The following ADAM12 variants were observed in gnomAD, a reference collection of about 807,000 sequenced individuals.
ADAM12 encodes the protein ADAM metallopeptidase domain 12.
ADAM12 carries 70 observed loss-of-function variants against 106.4 expected under a neutral mutation model. That is an observed-to-expected ratio of 0.66 (90% CI 0.54 to 0.80). ADAM12 has a LOEUF of 0.80. Ranked by LOEUF, ADAM12 falls within the 30% of genes least tolerant of loss-of-function variation. ADAM12 has a pLI of 0.00. For synonymous variants in ADAM12, 420 were observed against 433.5 expected (o/e 0.97, Z 0.39); for missense variants, 1,010 against 1,171.9 (o/e 0.86, Z 2.02).
chr10:126,224,977 A>G (rs1958164363), intron 3 of ADAM12, among the ~76,000 whole-genome samples: 1 of 152,202 alleles, frequency 6.6e-6, no homozygotes, highest in African/African-American at 2.4e-5. Flanking sequence ...TTTTGTTGTC[A>G]GTCACAGATA....
intron 3 of ADAM12, among the ~76,000 whole-genome samples, chr10:126,263,791 A>G (rs1959046467): frequency 6.6e-6 from 1 of 152,218 alleles, no homozygotes. Context: ...CTTTGGAAAA[A>G]GCAGCTGTCT....
At chr10:126,369,976 C>T (rs1321498238) in intron 1 of ADAM12, among the ~76,000 whole-genome samples, 1 of 152,200 alleles carries the variant, frequency 6.6e-6, no homozygotes, top group Non-Finnish European at 1.5e-5. Flanking sequence ...ATTGCCTTCT[C>T]AGTCTGCAGG....
intron 3 of ADAM12, among the ~76,000 whole-genome samples, chr10:126,226,194 G>A (rs1319311365): frequency 1.3e-5 from 2 of 151,266 alleles, no homozygotes; most frequent in African/African-American, 2.4e-5. Context: ...GGTGGTGGGG[G>A]GAGGGGGCGG....
intron 2 of ADAM12, among the ~76,000 whole-genome samples, chr10:126,316,474 A>G (rs920368920): frequency 1.3e-5 from 2 of 152,134 alleles, no homozygotes; most frequent in African/African-American, 2.4e-5. Context: ...ATTCAACTCT[A>G]AGCCCCAAGT....
chr10:126,219,957 A>T (rs574019686), intron 3 of ADAM12, among the ~76,000 whole-genome samples: 2 of 152,318 alleles, frequency 1.3e-5, no homozygotes, highest in Admixed American at 1.3e-4. Context: ...ATGAGATGGA[A>T]CCAATGGGGA....
intron 3 of ADAM12, among the ~76,000 whole-genome samples, chr10:126,275,896 T>A (rs1959228375): frequency 6.6e-6 from 1 of 152,214 alleles, no homozygotes; most frequent in Non-Finnish European, 1.5e-5. Context: ...ATATCCTCTA[T>A]AATCTTCCTA....
rs1235968318 is a variant in ADAM12, at chr10:126,118,151, A to G, written c.490T>C (p.Phe164Leu). 1.9e-6 allele frequency: 3 copies of G among 1,613,850 alleles called. No individual in the cohort carries two copies. The highest frequency in any genetic ancestry group is 1.7e-5 in the Admixed American group (1 of 60,026). The stretch of plus-strand genomic sequence containing the variant: ...ACGCTTTTCAGCTTCTTCGCTGGGA[A>G]GAGTTTGTATCTGTTGGTTGCACTT... ...MKSATNRYKL[F>L]PAKKLKSVRG... is the part of the protein sequence containing the mutation. Residue 164 changes from phenylalanine (F) to leucine (L), a missense_variant, in exon 6 of 23, where the codon TTC (phenylalanine) becomes CTC (leucine). Physicochemically the swap from Phe to Leu is conservative, Grantham distance 22. Transcript: ENST00000448723.
chr10:126,034,844 T>C (rs1954030530), intron 21 of ADAM12, among the ~76,000 whole-genome samples: 1 of 152,126 alleles, frequency 6.6e-6, no homozygotes, highest in South Asian at 2.1e-4. Flanking sequence ...AAAATAAAAC[T>C]GGAGTGGATA....
At chr10:126,229,257 T>C (rs572586177) in intron 3 of ADAM12, among the ~76,000 whole-genome samples, 1 of 152,272 alleles carries the variant, frequency 6.6e-6, no homozygotes, top group East Asian at 1.9e-4. Context: ...TATTATCAAT[T>C]GGCCTGAAAG....
At chr10:126,150,031 C>G (rs1385354730) in intron 4 of ADAM12, among the ~76,000 whole-genome samples, 1 of 152,210 alleles carries the variant, frequency 6.6e-6, no homozygotes, top group Non-Finnish European at 1.5e-5. Context: ...GAGATTGTAA[C>G]AGAATGCACA....
intron 3 of ADAM12, among the ~76,000 whole-genome samples, chr10:126,261,773 T>A (rs1959005200): frequency 6.6e-6 from 1 of 151,678 alleles, no homozygotes; most frequent in Non-Finnish European, 1.5e-5. Context: ...TAAAAGGCCT[T>A]TTCTCTCTTA....
chr10:126,179,853 A>G (rs891441866), intron 3 of ADAM12, among the ~76,000 whole-genome samples: 1 of 152,164 alleles, frequency 6.6e-6, no homozygotes, highest in Admixed American at 6.5e-5. Flanking sequence ...GTCACTAGGC[A>G]GGCAGAATAG....
intron 1 of ADAM12, 95 bp downstream of exon 1, chr10:126,387,963 C>T: frequency 3.4e-6 from 4 of 1,169,646 alleles, no homozygotes; most frequent in Non-Finnish European, 4.2e-6. Context: ...GGGCGCGTCG[C>T]CCCTCGGGGC....
chr10:126,244,142 A>G (rs1252326842), intron 3 of ADAM12, among the ~76,000 whole-genome samples: 6 of 152,228 alleles, frequency 3.9e-5, no homozygotes, highest in African/African-American at 1.2e-4. Context: ...GAAATCTAAG[A>G]TATCTAAACA....
At chr10:126,309,509 T>G (rs562937578) in intron 2 of ADAM12, among the ~76,000 whole-genome samples, 4 of 152,344 alleles carry the variant, frequency 2.6e-5, no homozygotes, top group Non-Finnish European at 2.9e-5. Context: ...GTTGATTTAT[T>G]AAGTAATTCT....
At chr10:126,142,993 T>A (rs552692818) in intron 4 of ADAM12, among the ~76,000 whole-genome samples, 1 of 151,956 alleles carries the variant, frequency 6.6e-6, no homozygotes, top group Admixed American at 6.5e-5. Context: ...TATATGCATG[T>A]GTGTATATTG....
chr10:126,241,122 G>A (rs4962527), intron 3 of ADAM12, among the ~76,000 whole-genome samples: 52,436 of 152,144 alleles, frequency 0.34, 9,760 homozygotes, highest in African/African-American at 0.49. Context: ...CTGACACAAG[G>A]GGACATGTAC....
At chr10:126,249,999 T>C (rs970464108) in intron 3 of ADAM12, among the ~76,000 whole-genome samples, 1 of 152,048 alleles carries the variant, frequency 6.6e-6, no homozygotes, top group Non-Finnish European at 1.5e-5. Flanking sequence ...TGATAAACAC[T>C]GGCTAGAAGA....
At chr10:126,353,571 A>C (rs1855434858) in intron 1 of ADAM12, among the ~76,000 whole-genome samples, 1 of 152,166 alleles carries the variant, frequency 6.6e-6, no homozygotes, top group Admixed American at 6.5e-5. Context: ...TTAGTTTATC[A>C]TTTTTTCCAT....
Sources: allele counts gnomAD v4.1 joint callset (sites outside exome capture counted in the v4.1 genomes callset), GRCh38; gene constraint gnomAD v4.1.1; transcripts MANE v1.5; gene names NCBI Gene and HGNC (gene_info 2026-07-23, HGNC 2026-07-21).